The following ATP5F1C variants were observed in gnomAD, a reference collection of about 807,000 sequenced individuals.
The protein encoded by ATP5F1C is ATP synthase F1 subunit gamma.
In ATP5F1C, 22 loss-of-function variants were observed where a neutral mutation model predicts 37.4. The ratio of observed to expected loss-of-function variants is 0.59; its 90% CI spans 0.42 to 0.84. The LOEUF (loss-of-function observed/expected upper bound fraction) is 0.84. Among genes scored for constraint, ATP5F1C ranks in the 40% least tolerant of loss-of-function variants. The pLI, the probability that ATP5F1C is intolerant of heterozygous loss-of-function variation, is 0.00. For missense variants in ATP5F1C, 286 were observed against 362.4 expected (o/e 0.79, Z 1.71); for synonymous variants, 121 against 128.0 (o/e 0.95, Z 0.37).
chr10:7,799,391 T>C, intron 4 of ATP5F1C, 197 bp downstream of exon 4: 1 of 584,574 alleles, frequency 1.7e-6, no homozygotes, highest in Non-Finnish European at 3.0e-6. Context: ...CTGTTTTCCT[T>C]CCCCTGTTTT....
chr10:7,802,877 C>T lies in ATP5F1C; in HGVS notation c.890+23C>T, dbSNP rs763339051. The T allele has an allele frequency of 2.8e-5, 45 of 1,597,618 alleles. No homozygotes were observed. In the South Asian group the frequency reaches 3.8e-4, roughly 13 times the overall value. ...TCTGTGAGTAATTGTAGATTGTCGC[C>T]TTCAGAGAATTTTTTTTCCTCTTGC... On this transcript the variant is annotated intron_variant, in intron 8 of 9. Transcript: ENST00000356708.
chr10:7,796,842 C>T (rs1836248313), intron 2 of ATP5F1C: 1 of 415,196 alleles, frequency 2.4e-6, no homozygotes, highest in Non-Finnish European at 4.2e-6. Flanking sequence ...CCTCAGCCTC[C>T]CAAAGTGCTG....
In ATP5F1C at chr10:7,802,290, G is replaced by C; in HGVS notation, c.658G>C (p.Asp220His). 6.2e-7 allele frequency: 1 copy of C among 1,612,354 alleles called. No individual in the cohort carries two copies. The highest frequency in any genetic ancestry group is 8.5e-7 in the Non-Finnish European group (1 of 1,179,398). Residue 220 changes from aspartate to histidine, a missense_variant, in exon 7 of 10, where the codon GAT becomes CAT. Physicochemically the swap from Asp to His is moderately conservative, Grantham distance 81 (BLOSUM62 -1). Transcript: ENST00000356708. ...ASADSMSIYD[D>H]IDADVLQNYQ... Reference sequence around the variant, plus strand: ...AACAGACAGCATGAGTATCTATGACGATATTGATGCTGACGTGCTGCAAAA... The same window carrying C: ...AACAGACAGCATGAGTATCTATGACCATATTGATGCTGACGTGCTGCAAAA...
intron 5 of ATP5F1C, 31 bp from the exon 6 acceptor site, chr10:7,799,996 T>A (rs374250093): frequency 1.2e-4 from 189 of 1,608,086 alleles, no homozygotes; most frequent in Non-Finnish European, 1.5e-4. Context: ...AAAATTATTT[T>A]GAGATTTACA....
rs1397502775 is a variant in ATP5F1C at position 7,799,864 on chromosome 10, T to C, written c.521T>C (p.Leu174Pro). Residue 174 changes from leucine to proline, a missense_variant, in exon 5 of 10, where the codon CTA (leucine) becomes CCA (proline). By Grantham distance (98) the Leu-to-Pro change is moderately conservative (BLOSUM62 -3). Coordinates refer to ENST00000356708, the MANE Select transcript of ATP5F1C (RefSeq NM_001001973.3). The stretch of plus-strand genomic sequence containing the variant: ...GCGTCAGTCATTGCCCTTGAATTAC[T>C]AAATTCTGGATATGAATTTGATGAA... ...GDASVIALEL[L>P]NSGYEFDEGS... is the part of the protein sequence containing the mutation. 1 of 1,614,120 alleles carries C rather than the reference T, an allele frequency of 6.2e-7. No individual in the cohort carries two copies. The highest frequency in any genetic ancestry group is 8.5e-7 in the Non-Finnish European group (1 of 1,180,050).
chr10:7,805,607 C>T (rs1374654760), intron 8 of ATP5F1C, among the ~76,000 whole-genome samples: 2 of 151,616 alleles, frequency 1.3e-5, no homozygotes, highest in African/African-American at 4.8e-5. Flanking sequence ...ATTAGCTGGG[C>T]GTGGTGGTGG....
At chr10:7,788,309 G>A (rs1010409627) in intron 1 of ATP5F1C, 46 bp downstream of exon 1, 37 of 1,605,322 alleles carry the variant, frequency 2.3e-5, no homozygotes, top group Middle Eastern at 1.7e-4. Flanking sequence ...AGGGATGGAA[G>A]AGCTTGGGCA....
intron 6 of ATP5F1C, 142 bp downstream of exon 6, chr10:7,800,233 C>A: frequency 1.1e-6 from 1 of 890,982 alleles, no homozygotes; most frequent in Non-Finnish European, 1.7e-6. Context: ...AATCTTGCTG[C>A]CTCCCAGGCT....
intron 1 of ATP5F1C, among the ~76,000 whole-genome samples, chr10:7,789,480 G>A (rs1451692295): frequency 6.6e-6 from 1 of 152,070 alleles, no homozygotes; most frequent in Non-Finnish European, 1.5e-5. Flanking sequence ...ACATTCATGG[G>A]AATTAAAAGG....
Position 7,798,054 on chromosome 10 carries a change from T to C in ATP5F1C, c.223+876T>C, listed in dbSNP as rs780903963. Among the ~76,000 whole-genome samples, 4 of 152,206 alleles carry C rather than the reference T, an allele frequency of 2.6e-5. No homozygotes were observed. In the South Asian group the frequency reaches 6.2e-4, roughly 24 times the overall value. On this transcript the variant is annotated intron_variant, in intron 3 of 9. Transcript: ENST00000356708. The stretch of plus-strand genomic sequence containing the variant: ...ACTTTTTTATGATCATGCTGTCTTA[T>C]CCTGAGTTGAGGCTATCTAAAAGAA...
intron 6 of ATP5F1C, among the ~76,000 whole-genome samples, chr10:7,801,168 G>A (rs1380116463): frequency 1.5e-5 from 2 of 135,788 alleles, no homozygotes; most frequent in Non-Finnish European, 3.5e-5. Context: ...TTTTTCCCTT[G>A]TATATACCAT....
At chr10:7,802,877 C>A in intron 8 of ATP5F1C, 23 bp downstream of exon 8, 2 of 1,597,736 alleles carry the variant, frequency 1.3e-6, no homozygotes, top group Admixed American at 1.8e-5. Flanking sequence ...AGATTGTCGC[C>A]TTCAGAGAAT....
At chr10:7,802,470 A>C (rs771650109) in intron 7 of ATP5F1C, 45 bp downstream of exon 7, 1 of 1,574,380 alleles carries the variant, frequency 6.4e-7, no homozygotes, top group East Asian at 2.2e-5. Flanking sequence ...GCTTGTGAGC[A>C]CACAGTGAAT....
intron 3 of ATP5F1C, among the ~76,000 whole-genome samples, chr10:7,797,661 G>A (rs1382577873): frequency 6.6e-6 from 1 of 152,168 alleles, no homozygotes; most frequent in Non-Finnish European, 1.5e-5. Context: ...GGGGGCGGGT[G>A]AGGGGCAGTG....
intron 2 of ATP5F1C, 90 bp downstream of exon 2, chr10:7,796,245 A>C: frequency 8.6e-7 from 1 of 1,161,516 alleles, no homozygotes; most frequent in South Asian, 1.6e-5. Context: ...GCTTTAGCCC[A>C]TTGTGTATTT....
intron 6 of ATP5F1C, among the ~76,000 whole-genome samples, chr10:7,800,601 TCTC>T (rs1009935782): frequency 4.0e-5 from 6 of 151,600 alleles, no homozygotes; most frequent in Non-Finnish European, 8.8e-5. Context: ...TTCACGCCGT[TCTC>T]CTGCCTCAGC....
rs938136181 is a variant in ATP5F1C at position 7,800,193 on chromosome 10, A to G, written c.637+102A>G. 1.2e-5 allele frequency: 14 copies of G among 1,211,686 alleles called. No individual in the cohort carries two copies. In the African/African-American group the frequency reaches 2.0e-4, roughly 17 times the overall value. 75.1% of individuals were successfully genotyped at this position (1,211,686 alleles called of 1,614,324 possible). On this transcript the variant is annotated intron_variant, in intron 6 of 9. Transcript: ENST00000356708. ...AGATATCTGGTGGTAGCTATAGCAA[A>G]TGATTTGGGGCTGTTTCTTTTTTAG... is the stretch of plus-strand genomic sequence containing the variant.
At position 7,802,816 on chromosome 10, in the gene ATP5F1C, A is replaced by G. The variant is rs141932790; in HGVS notation, c.852A>G (p.Thr284=). The G allele has an allele frequency of 1.2e-6, 2 of 1,614,060 alleles. No homozygotes were observed. Among genetic ancestry groups the G allele is most frequent in the South Asian group, 1.1e-5 (1 of 91,060 alleles). The part of the protein sequence containing the change: ...TFNRTRQAVI[T]KELIEIISGA... ...ACCGTACCCGCCAAGCTGTCATCAC[A>G]AAAGAGTTGATTGAAATTATCTCTG... The change falls in exon 8 of 10, where the codon ACA becomes ACG. Residue 284 remains threonine, a synonymous_variant. Coordinates refer to ENST00000356708, the MANE Select transcript of ATP5F1C (RefSeq NM_001001973.3).
intron 6 of ATP5F1C, among the ~76,000 whole-genome samples, chr10:7,800,681 G>A (rs1239027059): frequency 1.3e-5 from 2 of 151,932 alleles, no homozygotes; most frequent in African/African-American, 4.8e-5. Flanking sequence ...TTTTAGTAGA[G>A]ACAGCATTTC....
Sources: allele counts gnomAD v4.1 joint callset (sites outside exome capture counted in the v4.1 genomes callset), GRCh38; gene constraint gnomAD v4.1.1; transcripts MANE v1.5; gene names NCBI Gene and HGNC (gene_info 2026-07-23, HGNC 2026-07-21).